RAD51AP2: variants seen among roughly 807,000 people sequenced by gnomAD.
The protein encoded by RAD51AP2 is RAD51 associated protein 2.
A neutral mutation model predicts 85.5 loss-of-function variants in RAD51AP2; 67 were observed. The ratio of observed to expected loss-of-function variants is 0.78; its 90% confidence interval spans 0.64 to 0.96. The LOEUF is 0.96. Ranked by LOEUF, RAD51AP2 falls within the 40% of genes least tolerant of loss-of-function variation. RAD51AP2 has a pLI of 0.00. For missense variants in RAD51AP2, 1,307 were observed against 1,332.4 expected (o/e 0.98, Z 0.30); for synonymous variants, 474 against 446.5 (o/e 1.06, Z -0.78).
rs1662708716 is a variant in RAD51AP2, at chr2:17,517,237, T to C, written c.1179A>G (p.Gln393=). The part of the protein sequence containing the change: ...SYVLTRLEKS[Q]NWDCNVRHIL... ...TATGTCTAACGTTACAGTCCCAGTTTTGAGATTTTTCCAGCCTGGTAAGTA... is the reference window on the plus strand; with the variant it reads ...TATGTCTAACGTTACAGTCCCAGTTCTGAGATTTTTCCAGCCTGGTAAGTA... Residue 393 remains glutamine (Q), a synonymous_variant, in exon 1 of 3, where the codon CAA becomes CAG. Transcript: ENST00000399080. The C allele has an allele frequency of 5.0e-6, 8 of 1,614,050 alleles. No homozygotes were observed. Among genetic ancestry groups the C allele is most frequent in the Non-Finnish European group, 6.8e-6 (8 of 1,179,962 alleles).
chr2:17,519,394 A>G (rs1272980111), upstream of RAD51AP2, among the ~76,000 whole-genome samples: 1 of 152,086 alleles, frequency 6.6e-6, no homozygotes, highest in Non-Finnish European at 1.5e-5. Context: ...GTTTCTTAAG[A>G]AACATGTAAC....
At chr2:17,522,696 T>A (rs866835588), upstream of RAD51AP2, among the ~76,000 whole-genome samples, 4 of 152,098 alleles carry the variant, frequency 2.6e-5, 1 homozygote, top group Middle Eastern at 0.01. Context: ...TTAAAAACAA[T>A]TACGAGTTCT....
chr2:17,535,062 G>A, the RAD51AP2 span, among the ~76,000 whole-genome samples: 1 of 152,142 alleles, frequency 6.6e-6, no homozygotes, highest in Non-Finnish European at 1.5e-5. Context: ...TCCTAGTTAA[G>A]TATTTTCATA....
chr2:17,516,946 C>T lies in RAD51AP2; in HGVS notation c.1470G>A (p.Gln490=). ...CTTTTTGTGTAGTATTGTATCTCAA[C>T]TGTAGAGTATTATCATTTTCTCCTT... ...NGKGENDNTL[Q]LRYNTTQKVF... The change falls in exon 1 of 3, where the codon CAG becomes CAA. Residue 490 remains glutamine, a synonymous_variant. Transcript: ENST00000399080. 2 of 1,599,724 alleles carry T rather than the reference C, an allele frequency of 1.3e-6. No individual in the cohort carries two copies. Among genetic ancestry groups the T allele is most frequent in the Non-Finnish European group, 1.7e-6 (2 of 1,175,516 alleles).
upstream of RAD51AP2, among the ~76,000 whole-genome samples, chr2:17,519,030 T>A (rs1235595582): frequency 6.6e-6 from 1 of 152,156 alleles, no homozygotes; most frequent in African/African-American, 2.4e-5. Flanking sequence ...CACCAGTACT[T>A]ACCAGTCTAT....
At chr2:17,523,623 G>A in the RAD51AP2 span, among the ~76,000 whole-genome samples, 2 of 151,854 alleles carry the variant, frequency 1.3e-5, no homozygotes, top group Non-Finnish European at 3.0e-5. Flanking sequence ...TTGATGCCAG[G>A]ACATATGCAA....
intron 1 of RAD51AP2, among the ~76,000 whole-genome samples, chr2:17,514,314 C>T (rs573494737): frequency 1.2e-4 from 19 of 152,232 alleles, no homozygotes; most frequent in Admixed American, 8.5e-4. Context: ...AAATAGTGTG[C>T]ACCCAGCTAG....
the RAD51AP2 span, among the ~76,000 whole-genome samples, chr2:17,524,695 A>G: frequency 1.3e-5 from 2 of 151,922 alleles, no homozygotes; most frequent in African/African-American, 4.8e-5. Flanking sequence ...AAGACTTGGG[A>G]TAGTTAATTT....
the RAD51AP2 span, among the ~76,000 whole-genome samples, chr2:17,530,741 GATCT>G: frequency 1.3e-5 from 2 of 151,874 alleles, no homozygotes; most frequent in Admixed American, 6.6e-5. Context: ...TAGATTGATA[GATCT>G]GTTATCTTCA....
At chr2:17,512,262 C>T (rs1662514037) in intron 2 of RAD51AP2, among the ~76,000 whole-genome samples, 1 of 152,184 alleles carries the variant, frequency 6.6e-6, no homozygotes, top group Non-Finnish European at 1.5e-5. Context: ...TTTAAAATGA[C>T]AGTGTATAAG....
chr2:17,530,903 T>C, the RAD51AP2 span, among the ~76,000 whole-genome samples: 2 of 152,354 alleles, frequency 1.3e-5, no homozygotes, highest in East Asian at 1.9e-4. Context: ...GCTTTCAAAA[T>C]GCTCATGCTC....
At chr2:17,536,850 A>AT in the RAD51AP2 span, among the ~76,000 whole-genome samples, 2 of 152,096 alleles carry the variant, frequency 1.3e-5, no homozygotes, top group Non-Finnish European at 2.9e-5. Flanking sequence ...ATGGTCTTGC[A>AT]TTTTTTTCAG....
In RAD51AP2 at chr2:17,516,018, T is replaced by G; in HGVS notation, c.2398A>C (p.Ile800Leu). 6.2e-7 allele frequency: 1 copy of G among 1,613,896 alleles called. No individual in the cohort carries two copies. The highest frequency in any genetic ancestry group is 1.1e-5 in the South Asian group (1 of 91,064). The change falls in exon 1 of 3, where the codon ATA becomes CTA. Residue 800 changes from isoleucine to leucine, a missense_variant. Around this residue, in one of 3 missense-constraint regions of RAD51AP2, gnomAD observed 668 missense variants for 671.0 expected, o/e 1.00. Transcript: ENST00000399080. ...GTATGGGTCTCTTCATTATGTATTA[T>G]GTTGTGGCTTGCTGGTATGGCCTGT... ...RQQAIPASHN[I>L]IHNEETHTTS...
chr2:17,526,212 T>C, the RAD51AP2 span, among the ~76,000 whole-genome samples: 12 of 152,202 alleles, frequency 7.9e-5, no homozygotes, highest in African/African-American at 2.9e-4. Flanking sequence ...TTTCTTTTTT[T>C]TATTTTTGCA....
the RAD51AP2 span, among the ~76,000 whole-genome samples, chr2:17,529,744 G>A: frequency 6.6e-6 from 1 of 152,186 alleles, no homozygotes; most frequent in Non-Finnish European, 1.5e-5. Context: ...TAGCAGGGAA[G>A]TATTCATGGG....
upstream of RAD51AP2, among the ~76,000 whole-genome samples, chr2:17,521,200 C>T (rs1195688628): frequency 6.6e-6 from 1 of 152,026 alleles, no homozygotes; most frequent in Non-Finnish European, 1.5e-5. Flanking sequence ...CTTGAAAGTG[C>T]CTTAAGTTTC....
chr2:17,518,305 A>T lies in RAD51AP2; in HGVS notation c.111T>A (p.Cys37Ter), dbSNP rs1662758205. 6.2e-7 allele frequency: 1 copy of T among 1,613,942 alleles called. No individual in the cohort carries two copies. The highest frequency in any genetic ancestry group is 8.5e-7 in the Non-Finnish European group (1 of 1,179,986). ...DSQPPSSKRL[C>*]LEEPGGVFKA... ...TAAAGACACCTCCAGGCTCCTCAAG[A>T]CAGAGCCGCTTGCTACTAGGTGGTT... The change falls in exon 1 of 3, where the codon TGT (cysteine) becomes TGA (stop). Residue 37 changes from cysteine (C) to a stop codon, truncating the protein, a stop_gained. Coordinates refer to ENST00000399080, the MANE Select transcript of RAD51AP2 (RefSeq NM_001099218.3). LOFTEE classifies it high-confidence loss of function.
chr2:17,511,325 C>T (rs936569922), intron 2 of RAD51AP2, among the ~76,000 whole-genome samples: 1 of 152,048 alleles, frequency 6.6e-6, no homozygotes, highest in Non-Finnish European at 1.5e-5. Context: ...AACAACTATG[C>T]TGTATGGTTA....
chr2:17,524,887 C>G, the RAD51AP2 span, among the ~76,000 whole-genome samples: 1 of 151,664 alleles, frequency 6.6e-6, no homozygotes, highest in Non-Finnish European at 1.5e-5. Flanking sequence ...AGGAAGGCTT[C>G]ACAGAGGAAA....
Sources: allele counts gnomAD v4.1 joint callset (sites outside exome capture counted in the v4.1 genomes callset), GRCh38; gene constraint gnomAD v4.1.1; regional missense constraint gnomAD v4.1.1; transcripts MANE v1.5; gene names NCBI Gene and HGNC (gene_info 2026-07-23, HGNC 2026-07-21).